The following DIAPH2 variants were observed in gnomAD, a reference collection of about 807,000 sequenced individuals.
DIAPH2 encodes the protein diaphanous related formin 2, also known as protein diaphanous homolog 2.
A neutral mutation model predicts 92.7 loss-of-function variants in DIAPH2; 35 were observed. That is an observed-to-expected ratio of 0.38 (90% confidence interval 0.29 to 0.50). The LOEUF (loss-of-function observed/expected upper bound fraction) is 0.50, where lower values mean the gene tolerates loss of function less well. DIAPH2 is among the 20% of genes least tolerant of loss of function. The pLI is 0.94. For synonymous variants in DIAPH2, 301 were observed against 280.4 expected (o/e 1.07, Z -0.73); for missense variants, 701 against 819.5 (o/e 0.86, Z 1.77).
intron 26 of DIAPH2, among the ~76,000 whole-genome samples, chrX:97,444,597 G>A (rs1350475897): frequency 9.0e-6 from 1 of 111,391 alleles, no homozygotes; most frequent in East Asian, 2.8e-4. Flanking sequence ...TGTATCAGGA[G>A]GGGTAAGCAA....
At chrX:97,323,418 T>C (rs1430569391) in intron 23 of DIAPH2, among the ~76,000 whole-genome samples, 36 of 92,051 alleles carry the variant, frequency 3.9e-4, no homozygotes, top group East Asian at 2.7e-3. Flanking sequence ...GGTGAAACCC[T>C]GTCTCTACTA....
At chrX:96,999,281 G>A (rs1051333189) in intron 17 of DIAPH2, among the ~76,000 whole-genome samples, 4 of 110,507 alleles carry the variant, frequency 3.6e-5, no homozygotes, top group South Asian at 7.8e-4. Context: ...TTGGGAGGCC[G>A]AGGTGGGCAT....
intron 17 of DIAPH2, among the ~76,000 whole-genome samples, chrX:96,967,664 G>A (rs373919804): frequency 1.7e-4 from 19 of 110,436 alleles, no homozygotes; most frequent in South Asian, 7.8e-4. Context: ...TAATCCACCC[G>A]CCTCGACCTC....
rs777747770 is a variant in DIAPH2 at position 96,708,367 on chromosome X, A to G, written c.132+23177A>G. Among the ~76,000 whole-genome samples the G allele has an allele frequency of 2.6e-3, 277 of 106,181 alleles. 2 individuals carry two copies. Among genetic ancestry groups the G allele is most frequent in the African/African-American group, 9.0e-3 (260 of 28,960 alleles). 92.2% of individuals were successfully genotyped at this position (106,181 alleles called of 115,157 possible). ...AAGCAATTCTCTGCCTCAGCCTCCC[A>G]AATAGCTGGGATTACAGGCGCCTGC... On this transcript the variant is annotated intron_variant, in intron 1 of 26. Coordinates refer to ENST00000324765, the MANE Select transcript of DIAPH2 (RefSeq NM_006729.5).
intron 26 of DIAPH2, among the ~76,000 whole-genome samples, chrX:97,465,273 CCACACACACA>C (rs765899834): frequency 1.9e-5 from 2 of 106,847 alleles, no homozygotes; most frequent in Non-Finnish European, 3.9e-5. Context: ...TAGAATTCAC[CCACACACACA>C]CACACACACA....
At chrX:96,818,554 T>A (rs946940624) in intron 4 of DIAPH2, among the ~76,000 whole-genome samples, 1 of 111,617 alleles carries the variant, frequency 9.0e-6, no homozygotes, top group African/African-American at 3.3e-5. Context: ...TAAATTTAAT[T>A]AAAATTGATT....
intron 9 of DIAPH2, among the ~76,000 whole-genome samples, chrX:96,923,155 A>G (rs1461761719): frequency 8.9e-6 from 1 of 112,319 alleles, no homozygotes; most frequent in Non-Finnish European, 1.9e-5. Flanking sequence ...TGTACTATCA[A>G]AACAGCCCCA....
At chrX:96,848,532 A>G (rs1039505167) in intron 4 of DIAPH2, among the ~76,000 whole-genome samples, 8 of 112,327 alleles carry the variant, frequency 7.1e-5, no homozygotes, top group Non-Finnish European at 1.1e-4. Context: ...ACCTGGAACT[A>G]TAGTTCATGT....
intron 3 of DIAPH2, among the ~76,000 whole-genome samples, chrX:96,747,073 G>T (rs936926110): frequency 8.9e-6 from 1 of 111,815 alleles, no homozygotes; most frequent in Non-Finnish European, 1.9e-5. Flanking sequence ...TGTACATTGA[G>T]TATACTGCTT....
At chrX:96,842,091 T>C (rs977904456) in intron 4 of DIAPH2, among the ~76,000 whole-genome samples, 3 of 111,338 alleles carry the variant, frequency 2.7e-5, no homozygotes, top group Non-Finnish European at 5.7e-5. Flanking sequence ...CATCTGGACG[T>C]ATACATGCAG....
At chrX:96,945,656 T>G in intron 14 of DIAPH2, 65 bp downstream of exon 14, 1 of 792,074 alleles carries the variant, frequency 1.3e-6, no homozygotes, top group South Asian at 3.4e-5. Flanking sequence ...ATACTCTACC[T>G]TCTTTATTAA....
intron 26 of DIAPH2, among the ~76,000 whole-genome samples, chrX:97,534,329 T>C (rs1292339788): frequency 9.0e-6 from 1 of 110,981 alleles, no homozygotes; most frequent in Non-Finnish European, 1.9e-5. Context: ...CTTAAATTTT[T>C]CTACATGGTT....
intron 22 of DIAPH2, among the ~76,000 whole-genome samples, chrX:97,145,320 G>GTAGTAA (rs2067238857): frequency 9.3e-6 from 1 of 107,623 alleles, no homozygotes; most frequent in South Asian, 3.9e-4. Context: ...AGTAGTAGTA[G>GTAGTAA]TAGTGGTAGT....
At chrX:97,119,672 G>A (rs1055518057) in intron 21 of DIAPH2, among the ~76,000 whole-genome samples, 1 of 111,642 alleles carries the variant, frequency 9.0e-6, no homozygotes, top group African/African-American at 3.3e-5. Flanking sequence ...GGGCCATCAG[G>A]TGGGGCAGGT....
intron 17 of DIAPH2, among the ~76,000 whole-genome samples, chrX:97,004,137 A>G (rs950966913): frequency 1.1e-4 from 12 of 110,490 alleles, no homozygotes; most frequent in African/African-American, 4.0e-4. Flanking sequence ...ATTCTGTTCC[A>G]TTTTTCTGTG....
Position 97,199,227 on chromosome X carries a change from ATG to A in DIAPH2, c.2720-48472_2720-48471del, listed in dbSNP as rs58686614. ...TTGAGGATTATATTAACATATGTAT[ATG>A]TGTGTGTGTGTGTGTACGTGTGTGT... On this transcript the variant is annotated intron_variant, in intron 22 of 26. Transcript: ENST00000324765. Among the ~76,000 whole-genome samples, 552 of 106,728 alleles carry A rather than the reference ATG, an allele frequency of 5.2e-3. 3 individuals carry two copies. Among genetic ancestry groups the A allele is most frequent in the African/African-American group, 0.018 (529 of 29,305 alleles). The allele number at this position is 106,728 out of a possible 115,157, so 92.7% of individuals were successfully genotyped here.
chrX:97,574,170 G>T (rs1288392764), intron 26 of DIAPH2, among the ~76,000 whole-genome samples: 9 of 111,825 alleles, frequency 8.0e-5, no homozygotes, highest in Admixed American at 7.6e-4. Flanking sequence ...GCCGTAAACT[G>T]ACCATTGAAC....
At chrX:97,574,186 T>C (rs2071387316) in intron 26 of DIAPH2, among the ~76,000 whole-genome samples, 1 of 111,879 alleles carries the variant, frequency 8.9e-6, no homozygotes, top group Non-Finnish European at 1.9e-5. Flanking sequence ...TGAACTGACC[T>C]ATCTCCAATA....
chrX:97,266,559 G>A (rs946086282), intron 23 of DIAPH2, among the ~76,000 whole-genome samples: 2 of 111,484 alleles, frequency 1.8e-5, no homozygotes, highest in African/African-American at 6.5e-5. Context: ...ATTCTTTGGT[G>A]CTTCGATGTC....
Sources: gnomAD v4.1 joint callset for allele counts (sites outside exome capture counted in the v4.1 genomes callset) on GRCh38, gnomAD v4.1.1 for gene constraint, MANE v1.5 for transcripts, NCBI Gene and HGNC (gene_info 2026-07-23, HGNC 2026-07-21) for gene names.